The following PPEF1 variants were observed in gnomAD, a reference collection of about 807,000 sequenced individuals.
The protein encoded by PPEF1 is serine/threonine-protein phosphatase with EF-hands 1.
In PPEF1, 12 loss-of-function variants were observed where a neutral mutation model predicts 53.3. The ratio of observed to expected loss-of-function variants is 0.23; its 90% CI spans 0.14 to 0.36. PPEF1 has a LOEUF of 0.36. Ranked by LOEUF, PPEF1 falls within the 10% of genes least tolerant of loss-of-function variation. The pLI is 1.00. For missense variants in PPEF1, 334 were observed against 490.4 expected (o/e 0.68, Z 3.01); for synonymous variants, 165 against 176.7 (o/e 0.93, Z 0.52).
chrX:18,800,654 T>C (rs1485441523), intron 10 of PPEF1, among the ~76,000 whole-genome samples: 3 of 111,931 alleles, frequency 2.7e-5, no homozygotes, highest in African/African-American at 9.7e-5. Context: ...AAGGAGCTCA[T>C]TGAATGCTTG....
chrX:18,783,450 G>T (rs1380671929), intron 8 of PPEF1, among the ~76,000 whole-genome samples: 1 of 111,372 alleles, frequency 9.0e-6, no homozygotes, highest in African/African-American at 3.3e-5. Flanking sequence ...AGGCATAGTG[G>T]CTCACATCTG....
chrX:18,813,406 T>C (rs2046848006), intron 12 of PPEF1, among the ~76,000 whole-genome samples: 1 of 109,313 alleles, frequency 9.1e-6, no homozygotes, highest in African/African-American at 3.3e-5. Flanking sequence ...AAACAATTGA[T>C]TTTTGGATAT....
chrX:18,719,079 A>C (rs1204204433), intron 1 of PPEF1, among the ~76,000 whole-genome samples: 1 of 112,332 alleles, frequency 8.9e-6, no homozygotes, highest in Non-Finnish European at 1.9e-5. Context: ...CTATTTTAAT[A>C]ATTTAAAATG....
chrX:18,736,228 C>T (rs1221450123), intron 3 of PPEF1, among the ~76,000 whole-genome samples: 5 of 111,523 alleles, frequency 4.5e-5, no homozygotes, highest in Non-Finnish European at 9.4e-5. Context: ...GGAATGCTTC[C>T]AGTTTTTGTC....
upstream of PPEF1, among the ~76,000 whole-genome samples, chrX:18,681,085 A>C (rs1348800727): frequency 9.0e-6 from 1 of 111,486 alleles, no homozygotes; most frequent in Admixed American, 9.5e-5. Context: ...ATACGTGTGC[A>C]TGTGTCTTTA....
At chrX:18,776,247 T>TTGGTTGGTTG (rs755222719) in intron 6 of PPEF1, among the ~76,000 whole-genome samples, 67 of 104,780 alleles carry the variant, frequency 6.4e-4, no homozygotes, top group African/African-American at 1.5e-3. Flanking sequence ...TTGGTTGGTT[T>TTGGTTGGTTG]GTTTTAGACA....
In PPEF1 at chrX:18,757,714, T is replaced by C. The variant is rs748732439; in HGVS notation, c.484T>C (p.Ser162Pro). 1.6e-5 allele frequency: 19 copies of C among 1,209,245 alleles called. No homozygotes were observed. The South Asian group carries it at 2.5e-4, about 16-fold the overall frequency. ...QMPNFTHIQT[S>P]PSKEVTICGD... is the part of the protein sequence containing the mutation. The stretch of plus-strand genomic sequence containing the variant: ...GCCGAATTTCACTCACATACAAACT[T>C]CTCCCTCCAAAGAGGTAACAATCTG... Residue 162 changes from serine (S) to proline (P), a missense_variant, in exon 5 of 16, where the codon TCT becomes CCT. Physicochemically the swap from Ser to Pro is moderately conservative, Grantham distance 74 (BLOSUM62 -1). Transcript: ENST00000470157.
chrX:18,687,502 AG>A (rs764617615), intron 3 of PPEF1, among the ~76,000 whole-genome samples: 3 of 111,193 alleles, frequency 2.7e-5, no homozygotes, highest in Non-Finnish European at 5.6e-5. Context: ...AGCTGACTCT[AG>A]AATCTAATTC....
At chrX:18,723,118 G>A (rs1190164630) in intron 1 of PPEF1, among the ~76,000 whole-genome samples, 1 of 110,327 alleles carries the variant, frequency 9.1e-6, no homozygotes, top group East Asian at 2.9e-4. Context: ...CCAAGTAGCT[G>A]GGATTACAGG....
At chrX:18,739,768 T>A (rs2045099076) in intron 3 of PPEF1, among the ~76,000 whole-genome samples, 1 of 112,547 alleles carries the variant, frequency 8.9e-6, no homozygotes, top group Non-Finnish European at 1.9e-5. Flanking sequence ...CTCCTTGAGC[T>A]GCAATGGGCT....
rs192007201 is a variant in PPEF1 at position 18,744,000 on chromosome X, C to A, written c.236-5792C>A. On this transcript the variant is annotated intron_variant, in intron 3 of 15. Transcript: ENST00000470157. ...CCGCTGCCCAGGTTCAAGTGATTCTCGTGCCTCAGGCTCCCGAGTAGCTGG... is the reference window on the plus strand; with the variant it reads ...CCGCTGCCCAGGTTCAAGTGATTCTAGTGCCTCAGGCTCCCGAGTAGCTGG... 1.3e-3 allele frequency among the ~76,000 whole-genome samples: 143 copies of A among 110,598 alleles called. 2 individuals carry two copies. In the East Asian group the frequency reaches 0.028, roughly 21 times the overall value.
At chrX:18,785,840 C>A (rs1425478995) in intron 9 of PPEF1, among the ~76,000 whole-genome samples, 3 of 111,391 alleles carry the variant, frequency 2.7e-5, no homozygotes, top group Non-Finnish European at 5.7e-5. Context: ...TATGATCGCA[C>A]CACTGCACTC....
At chrX:18,717,933 C>A (rs141884000) in intron 1 of PPEF1, among the ~76,000 whole-genome samples, 1 of 111,787 alleles carries the variant, frequency 8.9e-6, no homozygotes, top group Non-Finnish European at 1.9e-5. Context: ...TATTGGGAAT[C>A]ATTTTAAATA....
intron 1 of PPEF1, among the ~76,000 whole-genome samples, chrX:18,727,128 C>T (rs1162670402): frequency 6.2e-5 from 7 of 112,161 alleles, no homozygotes; most frequent in Non-Finnish European, 1.3e-4. Flanking sequence ...GACCAGGGTT[C>T]GAATCCTCAC....
intron 4 of PPEF1, among the ~76,000 whole-genome samples, chrX:18,755,209 A>G (rs886402058): frequency 2.7e-5 from 3 of 111,879 alleles, no homozygotes; most frequent in Non-Finnish European, 5.6e-5. Flanking sequence ...AGGATCATGT[A>G]TATTTTGATT....
intron 1 of PPEF1, among the ~76,000 whole-genome samples, chrX:18,677,542 GCAGTC>G (rs1928720749): frequency 9.0e-6 from 1 of 111,709 alleles, no homozygotes; most frequent in Non-Finnish European, 1.9e-5. Context: ...AACCCTTTCT[GCAGTC>G]CAGAATACGT....
chrX:18,694,053 A>G (rs1929569898), intron 4 of PPEF1, among the ~76,000 whole-genome samples: 1 of 111,676 alleles, frequency 9.0e-6, no homozygotes, highest in Admixed American at 9.5e-5. Context: ...AGAATGCGAT[A>G]TAACTGTCTG....
At chrX:18,696,189 G>T (rs1929707031) in intron 4 of PPEF1, among the ~76,000 whole-genome samples, 1 of 110,443 alleles carries the variant, frequency 9.1e-6, no homozygotes, top group African/African-American at 3.3e-5. Flanking sequence ...GTCTTCCTCT[G>T]TTGCCTAGGC....
chrX:18,788,830 G>C (rs1321406147), intron 9 of PPEF1, among the ~76,000 whole-genome samples: 1 of 112,336 alleles, frequency 8.9e-6, no homozygotes, highest in Non-Finnish European at 1.9e-5. Context: ...TTTCTGTGTG[G>C]ATGCCACAGA....
Sources: allele counts gnomAD v4.1 joint callset (sites outside exome capture counted in the v4.1 genomes callset), GRCh38; gene constraint gnomAD v4.1.1; transcripts MANE v1.5; gene names NCBI Gene and HGNC (gene_info 2026-07-23, HGNC 2026-07-21).